CUL1: variants seen among roughly 807,000 people sequenced by gnomAD.
CUL1 encodes cullin 1, also known as cullin-1.
CUL1 carries 24 observed loss-of-function variants against 118.0 expected under a neutral mutation model. That is an observed-to-expected ratio of 0.20 (90% CI 0.15 to 0.29). The LOEUF (loss-of-function observed/expected upper bound fraction) is 0.29, where lower values mean the gene tolerates loss of function less well. Among genes scored for constraint, CUL1 ranks in the 10% least tolerant of loss-of-function variants. The pLI is 1.00. For synonymous variants in CUL1, 332 were observed against 340.4 expected, an observed-to-expected ratio of 0.98 and a Z score of 0.27; for missense variants, 361 against 933.8, an observed-to-expected ratio of 0.39 and a Z score of 7.99.
At position 148,725,182 on chromosome 7, in the gene CUL1, C is replaced by T. The variant is rs182411441; in HGVS notation, c.-161-4780C>T. On this transcript the variant is annotated intron_variant, in intron 1 of 21. Transcript: ENST00000325222. ...CAATAGATTAAGCATGGGCATGCAGCGCACATGCGCGCGTGTACACACACA... is the reference window on the plus strand; with the variant it reads ...CAATAGATTAAGCATGGGCATGCAGTGCACATGCGCGCGTGTACACACACA... Among the ~76,000 whole-genome samples, 208 of 150,198 alleles carry T rather than the reference C, an allele frequency of 1.4e-3. 2 individuals carry two copies. The highest frequency in any genetic ancestry group is 2.5e-3 in the Non-Finnish European group (167 of 67,290).
At chr7:148,792,378 G>T (rs1017191467) in intron 16 of CUL1, among the ~76,000 whole-genome samples, 1 of 152,144 alleles carries the variant, frequency 6.6e-6, no homozygotes, top group African/African-American at 2.4e-5. Context: ...GGAGATTGAT[G>T]CTTAACATGT....
chr7:148,720,375 A>G (rs996455220), intron 1 of CUL1, among the ~76,000 whole-genome samples: 1 of 152,114 alleles, frequency 6.6e-6, no homozygotes, highest in Non-Finnish European at 1.5e-5. Flanking sequence ...GTAGGATAAG[A>G]AGGAGATAGA....
At chr7:148,776,307 C>CTTTTTGTTTTTTT (rs1800396407) in intron 9 of CUL1, among the ~76,000 whole-genome samples, 1 of 40,692 alleles carries the variant, frequency 2.5e-5, no homozygotes, top group Non-Finnish European at 4.1e-5. Context: ...CATAACCAGG[C>CTTTTTGTTTTTTT]TTTTTTTTTT....
chr7:148,796,655 G>A lies in CUL1; in HGVS notation c.1900-1157G>A, dbSNP rs1801208873. Among the ~76,000 whole-genome samples the A allele has an allele frequency of 2.0e-5, 3 of 152,182 alleles. 1 individual carries two copies. The South Asian group carries it at 6.2e-4, about 32-fold the overall frequency. On this transcript the variant is annotated intron_variant, in intron 17 of 21. Transcript: ENST00000325222. ...TCCTGAGGACAGGGCTGACAGGTGT[G>A]GACTGTCAGGTCTTTGCTTGGCTGC...
chr7:148,740,957 T>C (rs1237793162), intron 2 of CUL1, among the ~76,000 whole-genome samples: 1 of 152,236 alleles, frequency 6.6e-6, no homozygotes, highest in Non-Finnish European at 1.5e-5. Context: ...TCCTGTTGTT[T>C]AAGCCGTCTT....
At chr7:148,796,392 T>C (rs1350008646) in intron 17 of CUL1, among the ~76,000 whole-genome samples, 2 of 152,226 alleles carry the variant, frequency 1.3e-5, no homozygotes, top group African/African-American at 2.4e-5. Flanking sequence ...GTTTTGCATT[T>C]ATATTCATAA....
chr7:148,770,513 A>G (rs1800172688), intron 9 of CUL1, among the ~76,000 whole-genome samples: 1 of 152,206 alleles, frequency 6.6e-6, no homozygotes, highest in Non-Finnish European at 1.5e-5. Context: ...GGGAAAGCAA[A>G]TACTTTTCCA....
chr7:148,788,129 C>T (rs140329766), intron 13 of CUL1, among the ~76,000 whole-genome samples: 203 of 152,280 alleles, frequency 1.3e-3, no homozygotes, highest in Admixed American at 1.6e-3. Flanking sequence ...TACAAGCACA[C>T]CAATCCCATT....
chr7:148,761,375 G>A (rs750069141), intron 7 of CUL1, among the ~76,000 whole-genome samples: 1 of 152,150 alleles, frequency 6.6e-6, no homozygotes, highest in African/African-American at 2.4e-5. Context: ...TCTGGGCATG[G>A]TGGCACGTGC....
At chr7:148,775,868 A>G (rs920651098) in intron 9 of CUL1, among the ~76,000 whole-genome samples, 1 of 151,998 alleles carries the variant, frequency 6.6e-6, no homozygotes, top group African/African-American at 2.4e-5. Context: ...AAAAAAAAAA[A>G]AAGGTTTGAT....
chr7:148,710,390 A>G (rs146140166), intron 1 of CUL1, among the ~76,000 whole-genome samples: 3,201 of 152,154 alleles, frequency 0.021, 105 homozygotes, highest in African/African-American at 0.073. Flanking sequence ...ACCAACATGT[A>G]GAAACCCCGT....
chr7:148,770,870 A>C (rs1800186816), intron 9 of CUL1, among the ~76,000 whole-genome samples: 1 of 152,242 alleles, frequency 6.6e-6, no homozygotes, highest in Non-Finnish European at 1.5e-5. Flanking sequence ...ACCCAACCAT[A>C]ATTATTTTCA....
In CUL1 at chr7:148,754,084, T is replaced by G; in HGVS notation, c.249T>G (p.Phe83Leu). The change falls in exon 3 of 22, where the codon TTT becomes TTG. Residue 83 changes from phenylalanine to leucine, a missense_variant. Transcript: ENST00000325222. ...KKGQTPGGAQ[F>L]VGLELYKRLK... ...GGCAGACACCTGGAGGAGCTCAGTT[T>G]GTTGGCCTGGAATTATATAAACGAC... is the stretch of plus-strand genomic sequence containing the variant. 6.2e-7 allele frequency: 1 copy of G among 1,613,884 alleles called. No homozygotes were observed. The highest frequency in any genetic ancestry group is 8.5e-7 in the Non-Finnish European group (1 of 1,179,908).
chr7:148,716,648 T>C (rs1798222710), intron 1 of CUL1, among the ~76,000 whole-genome samples: 1 of 152,260 alleles, frequency 6.6e-6, no homozygotes, highest in African/African-American at 2.4e-5. Flanking sequence ...AAAATGTATC[T>C]ACACTTACGT....
chr7:148,702,792 A>G (rs1461882905), intron 1 of CUL1, among the ~76,000 whole-genome samples: 2 of 152,130 alleles, frequency 1.3e-5, no homozygotes, highest in Non-Finnish European at 2.9e-5. Flanking sequence ...CTATGTCACT[A>G]TCACAGTATT....
intron 1 of CUL1, among the ~76,000 whole-genome samples, chr7:148,725,221 T>TCGCGCGCACACACACA (rs1563151070): frequency 6.9e-6 from 1 of 145,388 alleles, no homozygotes; most frequent in Non-Finnish European, 1.5e-5. Context: ...ACGCGCGCGC[T>TCGCGCGCACACACACA]CACACACACA....
At chr7:148,709,796 G>A (rs1797994066) in intron 1 of CUL1, among the ~76,000 whole-genome samples, 1 of 152,196 alleles carries the variant, frequency 6.6e-6, no homozygotes, top group Non-Finnish European at 1.5e-5. Flanking sequence ...CTTAAGGTAT[G>A]GGTTTTGCCA....
At chr7:148,744,563 A>G (rs1799249113) in intron 2 of CUL1, among the ~76,000 whole-genome samples, 1 of 152,128 alleles carries the variant, frequency 6.6e-6, no homozygotes. Flanking sequence ...GTATAGTTCC[A>G]TTTACTACTC....
chr7:148,718,254 TC>T (rs1366547690), intron 1 of CUL1, among the ~76,000 whole-genome samples: 1 of 152,238 alleles, frequency 6.6e-6, no homozygotes, highest in Non-Finnish European at 1.5e-5. Flanking sequence ...TAAAAGTCAC[TC>T]ATTTAAAATG....
Sources: gnomAD v4.1 joint callset for allele counts (sites outside exome capture counted in the v4.1 genomes callset) on GRCh38, gnomAD v4.1.1 for gene constraint, MANE v1.5 for transcripts, NCBI Gene and HGNC (gene_info 2026-07-23, HGNC 2026-07-21) for gene names.